Variants in PTPRS observed in about 807,000 individuals in gnomAD.
PTPRS encodes the protein receptor-type tyrosine-protein phosphatase S.
A neutral mutation model predicts 215.3 loss-of-function variants in PTPRS; 63 were observed. The observed-to-expected ratio is 0.29, with a 90% CI of 0.24 to 0.36. The LOEUF is 0.36. Ranked by LOEUF, PTPRS falls within the 10% of genes least tolerant of loss-of-function variation. The pLI, the probability that PTPRS is intolerant of heterozygous loss-of-function variation, is 1.00. For missense variants in PTPRS, 2,258 were observed against 2,825.8 expected, an observed-to-expected ratio of 0.80 and a Z score of 4.56; for synonymous variants, 1,404 against 1,191.4, an observed-to-expected ratio of 1.18 and a Z score of -3.68.
At chr19:5,239,990 G>C (rs149414010) in intron 12 of PTPRS, among the ~76,000 whole-genome samples, 6 of 152,140 alleles carry the variant, frequency 3.9e-5, no homozygotes, top group African/African-American at 1.4e-4. Flanking sequence ...GCCAGCAGCA[G>C]AGGAGAAAGA....
At chr19:5,296,033 G>GAC (rs142604876) in intron 1 of PTPRS, among the ~76,000 whole-genome samples, 1,814 of 152,274 alleles carry the variant, frequency 0.012, 25 homozygotes, top group African/African-American at 0.036. Context: ...TGGGATCACA[G>GAC]ACATGAGCCC....
Position 5,210,627 on chromosome 19 carries a change from GT to G in PTPRS, c.5362-34del. The stretch of plus-strand genomic sequence containing the variant: ...GGAGATGGCGGCCGTGGTCAGCGCT[GT>G]CTGAGCCACAGTCTGGCCCTCGCCC... On this transcript the variant is annotated intron_variant, in intron 34 of 37. Transcript: ENST00000262963. The surrounding 1 kb of genome is among the most constrained non-coding windows in gnomAD (Gnocchi z 4.5). The G allele has an allele frequency of 6.2e-7, 1 of 1,614,082 alleles. No homozygotes were observed. Among genetic ancestry groups the G allele is most frequent in the South Asian group, 1.1e-5 (1 of 91,090 alleles).
chr19:5,292,743 C>CGGTCCTG (rs965255970), intron 1 of PTPRS: 4 of 152,298 alleles, frequency 2.6e-5, no homozygotes, highest in Non-Finnish European at 5.9e-5. Flanking sequence ...GCCCCCTCTG[C>CGGTCCTG]GGTCCTGTTG....
chr19:5,264,478 GCTTT>G (rs555139379), intron 5 of PTPRS, among the ~76,000 whole-genome samples: 22 of 152,292 alleles, frequency 1.4e-4, no homozygotes, highest in African/African-American at 5.3e-4. Context: ...ATCCTTGGCG[GCTTT>G]CTTTCTTTTC....
chr19:5,315,936 T>G (rs1336284409), intron 1 of PTPRS, among the ~76,000 whole-genome samples: 1 of 151,086 alleles, frequency 6.6e-6, no homozygotes, highest in African/African-American at 2.4e-5. Context: ...TAGTTAATTT[T>G]TTAAAAAATT....
chr19:5,303,502 G>A (rs1453582298), intron 1 of PTPRS, among the ~76,000 whole-genome samples: 2 of 152,180 alleles, frequency 1.3e-5, no homozygotes, highest in African/African-American at 2.4e-5. Context: ...GCGACAGATG[G>A]GGATAGAGGA....
intron 4 of PTPRS, among the ~76,000 whole-genome samples, chr19:5,272,821 C>T (rs920537822): frequency 6.6e-6 from 1 of 151,988 alleles, no homozygotes; most frequent in Non-Finnish European, 1.5e-5. Context: ...TCCCAAAGTG[C>T]TGGGATTGCA....
chr19:5,282,585 C>G (rs528279318), intron 2 of PTPRS, among the ~76,000 whole-genome samples: 7 of 152,078 alleles, frequency 4.6e-5, no homozygotes, highest in Non-Finnish European at 1.0e-4. Flanking sequence ...GGCAGATCAC[C>G]TGAGGTCAAG....
chr19:5,285,247 G>A (rs1318405637), intron 2 of PTPRS, among the ~76,000 whole-genome samples: 1 of 152,190 alleles, frequency 6.6e-6, no homozygotes, highest in African/African-American at 2.4e-5. Flanking sequence ...AACCCAGCCT[G>A]ACTGCAGAAC....
At chr19:5,324,226 C>CAAAAAAAAA (rs55793961) in intron 1 of PTPRS, among the ~76,000 whole-genome samples, 2 of 73,862 alleles carry the variant, frequency 2.7e-5, no homozygotes, top group Admixed American at 1.5e-4. Flanking sequence ...AACCCTGCCT[C>CAAAAAAAAA]AAAAAAAAAA....
Position 5,215,443 on chromosome 19 carries a change from G to C in PTPRS, c.4195-31C>G, listed in dbSNP as rs201855701. On this transcript the variant is annotated intron_variant, in intron 27 of 37. Transcript: ENST00000262963. ...GAGGAAGGGGAGAGCGCGGGTGTCAGGGTAGGTGCCTGTGAGGCCGAGGTG... is the reference window on the plus strand; with the variant it reads ...GAGGAAGGGGAGAGCGCGGGTGTCACGGTAGGTGCCTGTGAGGCCGAGGTG... 7.0e-5 allele frequency: 113 copies of C among 1,611,458 alleles called. No individual in the cohort carries two copies. The African/African-American group carries it at 1.2e-3, about 17-fold the overall frequency.
chr19:5,229,401 G>C, intron 15 of PTPRS, 59 bp from the exon 16 acceptor site: 2 of 1,353,984 alleles, frequency 1.5e-6, no homozygotes, highest in Non-Finnish European at 1.9e-6. Context: ...GGAGGCCAGA[G>C]ATGGAGAAAG....
rs570047199 is a variant in PTPRS, at chr19:5,245,377, C to T, written c.988+399G>A. 6.6e-5 allele frequency among the ~76,000 whole-genome samples: 10 copies of T among 152,168 alleles called. No individual in the cohort carries two copies. In the South Asian group the frequency reaches 1.7e-3, roughly 25 times the overall value. Reference sequence around the variant, plus strand: ...GATCATAGCTCACTGCAGCCTTGAACTCCTGGGCTCAAGCAGTCCTCCTGC... The same window carrying T: ...GATCATAGCTCACTGCAGCCTTGAATTCCTGGGCTCAAGCAGTCCTCCTGC... On this transcript the variant is annotated intron_variant, in intron 10 of 37. Transcript: ENST00000262963.
chr19:5,270,302 C>T (rs2046800826), intron 4 of PTPRS, among the ~76,000 whole-genome samples: 2 of 147,880 alleles, frequency 1.4e-5, no homozygotes, highest in Admixed American at 1.4e-4. Context: ...CCCCCACCCC[C>T]CTTTTAGAGA....
At chr19:5,216,886 G>GC (rs560719780) in intron 25 of PTPRS, 119 bp from the exon 26 acceptor site, 9 of 556,092 alleles carry the variant, frequency 1.6e-5, no homozygotes, top group African/African-American at 7.6e-5. Flanking sequence ...CGCGGACAAC[G>GC]GGGGGTATGT....
chr19:5,222,451 G>C (rs2042067850), intron 18 of PTPRS, among the ~76,000 whole-genome samples: 2 of 149,330 alleles, frequency 1.3e-5, no homozygotes, highest in Non-Finnish European at 3.0e-5. Flanking sequence ...AGAAGGTGGA[G>C]GAGGAGGAAG....
chr19:5,240,702 G>C (rs10421774), intron 11 of PTPRS, among the ~76,000 whole-genome samples: 1 of 151,122 alleles, frequency 6.6e-6, no homozygotes, highest in African/African-American at 2.4e-5. Context: ...AGCCGGGCGC[G>C]GTGGCGGGCA....
rs558675224 is a variant in PTPRS, at chr19:5,332,155, C to A, written c.-95+8509G>T. Among the ~76,000 whole-genome samples the A allele has an allele frequency of 2.6e-4, 40 of 151,310 alleles. 1 individual carries two copies. The highest frequency in any genetic ancestry group is 3.4e-3 in the Middle Eastern group (1 of 294). ...ATTTTTTTTTTTTTTTAGACAGAGTCTCACTCTATCGCCCAGGCTGGAGTG... is the reference window on the plus strand; with the variant it reads ...ATTTTTTTTTTTTTTTAGACAGAGTATCACTCTATCGCCCAGGCTGGAGTG... On this transcript the variant is annotated intron_variant, in intron 1 of 37. Coordinates refer to ENST00000262963, the MANE Select transcript of PTPRS (RefSeq NM_002850.4).
chr19:5,331,775 C>T (rs1284884682), intron 1 of PTPRS, among the ~76,000 whole-genome samples: 1 of 152,206 alleles, frequency 6.6e-6, no homozygotes, highest in East Asian at 1.9e-4. Context: ...CAGCCCTGCC[C>T]CGCGGGACAG....
Sources: gnomAD v4.1 joint callset for allele counts (sites outside exome capture counted in the v4.1 genomes callset) on GRCh38, gnomAD v4.1.1 for gene constraint, Gnocchi (gnomAD v3.1) non-coding constraint, MANE v1.5 for transcripts, NCBI Gene and HGNC (gene_info 2026-07-23, HGNC 2026-07-21) for gene names.